CSMD2: variants seen among roughly 807,000 people sequenced by gnomAD.
The protein encoded by CSMD2 is CUB and sushi domain-containing protein 2.
Under a neutral mutation model 398.5 loss-of-function variants are expected in CSMD2, and 130 were observed. The ratio of observed to expected loss-of-function variants is 0.33; its 90% CI spans 0.28 to 0.38. The LOEUF (loss-of-function observed/expected upper bound fraction) is 0.38. Among genes scored for constraint, CSMD2 ranks in the 10% least tolerant of loss-of-function variants. The pLI is 1.00. For synonymous variants in CSMD2, 1,828 were observed against 1,908.5 expected (o/e 0.96, Z 1.10); for missense variants, 3,829 against 4,764.9 (o/e 0.80, Z 5.78).
chr1:34,125,710 G>T (rs1662675189), intron 1 of CSMD2, among the ~76,000 whole-genome samples: 1 of 152,172 alleles, frequency 6.6e-6, no homozygotes, highest in African/African-American at 2.4e-5. Flanking sequence ...TTGAGACCAT[G>T]GTGGGAACTG....
rs1642410477 is a variant in CSMD2 at position 33,896,739 on chromosome 1, T to C, written c.920+21355A>G. On this transcript the variant is annotated intron_variant, in intron 5 of 70. Transcript: ENST00000373381. The stretch of plus-strand genomic sequence containing the variant: ...AAACATGGGCAGACACTCTACTGAC[T>C]GGGAGGAGGCATCTGCCATTTTAAA... Among the ~76,000 whole-genome samples, 4 of 152,140 alleles carry C rather than the reference T, an allele frequency of 2.6e-5. No individual in the cohort carries two copies. In the South Asian group the frequency reaches 8.3e-4, roughly 32 times the overall value.
At chr1:33,740,107 T>C (rs748621629) in intron 14 of CSMD2, among the ~76,000 whole-genome samples, 1 of 152,328 alleles carries the variant, frequency 6.6e-6, no homozygotes. Flanking sequence ...GATGTGAATA[T>C]GAGAGTGGCA....
At chr1:33,563,822 T>A (rs1658801954) in intron 53 of CSMD2, among the ~76,000 whole-genome samples, 1 of 152,162 alleles carries the variant, frequency 6.6e-6, no homozygotes, top group Admixed American at 6.5e-5. Context: ...GGGAACTGAC[T>A]GAGGAAATGA....
chr1:33,966,157 A>G (rs1188681474), intron 3 of CSMD2, among the ~76,000 whole-genome samples: 1 of 152,168 alleles, frequency 6.6e-6, no homozygotes, highest in South Asian at 2.1e-4. Flanking sequence ...ACTTCCAGGG[A>G]GTTTCCTAAT....
In CSMD2 at chr1:33,537,227, C is replaced by T. The variant is rs1655883301; in HGVS notation, c.9806-132G>A. The T allele has an allele frequency of 8.7e-7, 1 of 1,145,640 alleles. No homozygotes were observed. The highest frequency in any genetic ancestry group is 1.3e-6 in the Non-Finnish European group (1 of 779,876). 71.0% of individuals were successfully genotyped at this position (1,145,640 alleles called of 1,614,324 possible). ...CTTCCCTGCCCACTGAGATCCCCAC[C>T]TGAGCCTTGGCCCTGGCTGTCTATT... is the stretch of plus-strand genomic sequence containing the variant. On this transcript the variant is annotated intron_variant, in intron 61 of 70. Transcript: ENST00000373381. The surrounding 1 kb of genome is among the most constrained non-coding windows in gnomAD (Gnocchi z 4.6).
chr1:33,779,751 T>C (rs933161239), intron 12 of CSMD2, among the ~76,000 whole-genome samples: 1 of 152,366 alleles, frequency 6.6e-6, no homozygotes, highest in East Asian at 1.9e-4. Flanking sequence ...TCTGTTGTTA[T>C]AGCAACGGGT....
Position 33,695,506 on chromosome 1 carries a change from G to A in CSMD2, c.3926-2450C>T, listed in dbSNP as rs970465049. 5.3e-5 allele frequency among the ~76,000 whole-genome samples: 8 copies of A among 152,172 alleles called. No individual in the cohort carries two copies. In the East Asian group the frequency reaches 1.5e-3, roughly 29 times the overall value. ...AGTCAGAAGCTGGGGGTTCCTGCTG[G>A]TGTTCTCCTCCTTCCTCCCCGACAT... On this transcript the variant is annotated intron_variant, in intron 24 of 70. Transcript: ENST00000373381.
At position 33,554,763 on chromosome 1, in the gene CSMD2, C is replaced by T. The variant is rs553022329; in HGVS notation, c.8743+2971G>A. Among the ~76,000 whole-genome samples, 569 of 152,098 alleles carry T rather than the reference C, an allele frequency of 3.7e-3. 2 individuals carry two copies. Among genetic ancestry groups the T allele is most frequent in the Non-Finnish European group, 6.0e-3 (411 of 68,000 alleles). ...CATGGTTTATTGAACATTTTAAGCC[C>T]GCTGTTGAGACCTACTGCTCAGAAA... is the stretch of plus-strand genomic sequence containing the variant. On this transcript the variant is annotated intron_variant, in intron 55 of 70. Coordinates refer to ENST00000373381, the MANE Select transcript of CSMD2 (RefSeq NM_001281956.2).
intron 1 of CSMD2, among the ~76,000 whole-genome samples, chr1:34,160,344 T>C (rs1641216749): frequency 6.6e-6 from 1 of 152,194 alleles, no homozygotes; most frequent in African/African-American, 2.4e-5. Context: ...ATACACACAC[T>C]GGTGACTGAG....
At chr1:34,060,125 G>A (rs1011166165) in intron 2 of CSMD2, among the ~76,000 whole-genome samples, 11 of 152,174 alleles carry the variant, frequency 7.2e-5, no homozygotes, top group African/African-American at 2.7e-4. Flanking sequence ...AGGTCAACAG[G>A]AGTGGATGCC....
intron 44 of CSMD2, among the ~76,000 whole-genome samples, chr1:33,590,937 G>C (rs1328324262): frequency 6.6e-6 from 1 of 150,858 alleles, no homozygotes; most frequent in Admixed American, 6.6e-5. Context: ...TCCTCAAGCT[G>C]CTGGGTGTGC....
At chr1:33,981,200 T>TCC (rs773983791) in intron 3 of CSMD2, among the ~76,000 whole-genome samples, 17 of 152,180 alleles carry the variant, frequency 1.1e-4, no homozygotes, top group South Asian at 2.1e-4. Flanking sequence ...CAGTCCTTAC[T>TCC]CCCGGTTGTT....
intron 6 of CSMD2, among the ~76,000 whole-genome samples, chr1:33,840,605 G>C (rs566517616): frequency 6.6e-6 from 1 of 152,184 alleles, no homozygotes; most frequent in East Asian, 1.9e-4. Context: ...GTGAATGAAC[G>C]ACTGTTATAA....
chr1:34,074,020 C>T (rs1219517473), intron 2 of CSMD2, among the ~76,000 whole-genome samples: 1 of 152,176 alleles, frequency 6.6e-6, no homozygotes, highest in Non-Finnish European at 1.5e-5. Flanking sequence ...ACTTAAATAA[C>T]CAGATCTCAT....
chr1:33,533,299 CCT>C lies in CSMD2; in HGVS notation c.9992-72_9992-71del. On this transcript the variant is annotated intron_variant, in intron 63 of 70. Transcript: ENST00000373381. The surrounding 1 kb of genome is among the most constrained non-coding windows in gnomAD (Gnocchi z 4.2). ...CTTCAGGGGCCCTTTCGACCATTCC[CCT>C]GTTCCTAGATAGAATATCCTCTTCC... The C allele has an allele frequency of 7.4e-7, 1 of 1,360,136 alleles. No individual in the cohort carries two copies. The highest frequency in any genetic ancestry group is 1.2e-5 in the South Asian group (1 of 81,656). 84.3% of individuals were successfully genotyped at this position (1,360,136 alleles called of 1,614,324 possible).
Position 33,537,218 on chromosome 1 carries a change from G to T in CSMD2, c.9806-123C>A. 1 of 1,176,862 alleles carries T rather than the reference G, an allele frequency of 8.5e-7. No individual in the cohort carries two copies. Among genetic ancestry groups the T allele is most frequent in the Non-Finnish European group, 1.2e-6 (1 of 803,798 alleles). 72.9% of individuals were successfully genotyped at this position (1,176,862 alleles called of 1,614,324 possible). A position where few individuals can be genotyped will look rare whatever the true frequency, so the allele number is the denominator to read the frequency against. The stretch of plus-strand genomic sequence containing the variant: ...ACATCCTGACTTCCCTGCCCACTGA[G>T]ATCCCCACCTGAGCCTTGGCCCTGG... On this transcript the variant is annotated intron_variant, in intron 61 of 70. Transcript: ENST00000373381. This position sits in a 1 kb window ranked among gnomAD's most constrained non-coding sequence, Gnocchi z 4.6.
intron 2 of CSMD2, among the ~76,000 whole-genome samples, chr1:34,066,785 G>A (rs1354075935): frequency 6.6e-6 from 1 of 152,200 alleles, no homozygotes; most frequent in Non-Finnish European, 1.5e-5. Flanking sequence ...TCAGTCCTGT[G>A]CCGCTCTCTG....
Position 33,788,671 on chromosome 1 carries a change from T to C in CSMD2, c.1592A>G (p.Asn531Ser), listed in dbSNP as rs115780313. The C allele has an allele frequency of 3.9e-3, 6,355 of 1,613,932 alleles. 52 individuals carry two copies. Among genetic ancestry groups the C allele is most frequent in the African/African-American group, 0.03 (2,262 of 74,998 alleles). Residue 531 changes from asparagine (N) to serine (S), a missense_variant, in exon 12 of 71, where the codon AAT becomes AGT. By Grantham distance (46) the Asn-to-Ser change is conservative (BLOSUM62 1). Coordinates refer to ENST00000373381, the MANE Select transcript of CSMD2 (RefSeq NM_001281956.2). ...CTGGAAGAGGAGCCACATTTGATGATTGGTGCTGACAATGAGATCCGGGAC... is the reference window on the plus strand; with the variant it reads ...CTGGAAGAGGAGCCACATTTGATGACTGGTGCTGACAATGAGATCCGGGAC... ...TSVPDLIVST[N>S]HQMWLLFQTD...
Position 33,519,961 on chromosome 1 carries a change from C to G in CSMD2, c.10598-11G>C. 6.2e-7 allele frequency: 1 copy of G among 1,613,370 alleles called. No individual in the cohort carries two copies. Among genetic ancestry groups the G allele is most frequent in the South Asian group, 1.1e-5 (1 of 91,066 alleles). On this transcript the variant is annotated splice_polypyrimidine_tract_variant and intron_variant, in intron 68 of 70. Coordinates refer to ENST00000373381, the MANE Select transcript of CSMD2 (RefSeq NM_001281956.2). The surrounding 1 kb of genome is among the most constrained non-coding windows in gnomAD (Gnocchi z 5.6). ...CCAGCAGCCTGAGGTCTGTAAAGTCCCAAAGCAGAAAAGTCAAGTCACGAG... is the reference window on the plus strand; with the variant it reads ...CCAGCAGCCTGAGGTCTGTAAAGTCGCAAAGCAGAAAAGTCAAGTCACGAG...
Sources: gnomAD v4.1 joint callset for allele counts (sites outside exome capture counted in the v4.1 genomes callset) on GRCh38, gnomAD v4.1.1 for gene constraint, Gnocchi (gnomAD v3.1) non-coding constraint, MANE v1.5 for transcripts, NCBI Gene and HGNC (gene_info 2026-07-23, HGNC 2026-07-21) for gene names.